The following PSIP1 variants were observed in gnomAD, a reference collection of about 807,000 sequenced individuals.
PSIP1 encodes PC4 and SRSF1 interacting protein 1, also known as PC4 and SFRS1-interacting protein.
In PSIP1, 19 loss-of-function variants were observed where a neutral mutation model predicts 74.7. That is an observed-to-expected ratio of 0.25 (90% CI 0.18 to 0.37). The LOEUF is 0.37. Among genes scored for constraint, PSIP1 ranks in the 10% least tolerant of loss-of-function variants. The pLI is 1.00. For synonymous variants in PSIP1, 222 were observed against 195.3 expected, an observed-to-expected ratio of 1.14 and a Z score of -1.14; for missense variants, 601 against 614.3, an observed-to-expected ratio of 0.98 and a Z score of 0.23.
chr9:15,466,808 T>C lies in PSIP1; in HGVS notation c.1472A>G (p.Gln491Arg). The C allele has an allele frequency of 1.2e-6, 2 of 1,613,634 alleles. No individual in the cohort carries two copies. The highest frequency in any genetic ancestry group is 8.5e-7 in the Non-Finnish European group (1 of 1,179,842). ...GSDAQDGNQP[Q>R]HNGESNEDSK... The stretch of plus-strand genomic sequence containing the variant: ...GTCTTCATTGCTCTCCCCGTTATGT[T>C]GTGGCTGATTACCATCTTGAGCATC... The change falls in exon 15 of 16, where the codon CAA becomes CGA. Residue 491 changes from glutamine to arginine, a missense_variant. Gln to Arg is a conservative substitution (Grantham distance 43). This residue lies in a region of PSIP1 where 538 missense variants were observed against 507.6 expected (regional missense o/e 1.06). Transcript: ENST00000380733.
chr9:15,468,661 C>A lies in PSIP1; in HGVS notation c.1389G>T (p.Gly463=), dbSNP rs759429711. The change falls in exon 14 of 16, where the codon GGG becomes GGT. Residue 463 remains glycine (G), a synonymous_variant. Coordinates refer to ENST00000380733, the MANE Select transcript of PSIP1 (RefSeq NM_033222.5). ...ANKTKDQGKK[G]PNKKLEKEQT... ...GTTCCTTCTCTAGCTTTTTGTTTGG[C>A]CCTTTCTTCCCTTGATCTTTGGTTT... is the stretch of plus-strand genomic sequence containing the variant. 1.2e-6 allele frequency: 2 copies of A among 1,613,988 alleles called. No individual in the cohort carries two copies. Among genetic ancestry groups the A allele is most frequent in the South Asian group, 2.2e-5 (2 of 91,076 alleles).
At chr9:15,499,987 T>C (rs1317683840) in intron 3 of PSIP1, among the ~76,000 whole-genome samples, 1 of 151,568 alleles carries the variant, frequency 6.6e-6, no homozygotes. Flanking sequence ...AACAGAAAAA[T>C]TCCATTTTTA....
intron 3 of PSIP1, among the ~76,000 whole-genome samples, chr9:15,503,332 A>T (rs2132223478): frequency 6.6e-6 from 1 of 151,628 alleles, no homozygotes; most frequent in South Asian, 2.1e-4. Flanking sequence ...GTGCCACTGC[A>T]CTCCAGCCTG....
chr9:15,473,645 A>G lies in PSIP1; in HGVS notation c.858+364T>C, dbSNP rs147273969. Among the ~76,000 whole-genome samples the G allele has an allele frequency of 5.5e-3, 840 of 152,304 alleles. 3 individuals are homozygous for G. Among genetic ancestry groups the G allele is most frequent in the Non-Finnish European group, 7.1e-3 (485 of 68,020 alleles). On this transcript the variant is annotated intron_variant, in intron 9 of 15. Transcript: ENST00000380733. ...ATAAATGGCCAGGTGTGGTGCCTGT[A>G]ATCCCGGCACTTTGGGAGGCCAAGG... is the stretch of plus-strand genomic sequence containing the variant.
chr9:15,476,032 A>G (rs995096890), intron 8 of PSIP1, among the ~76,000 whole-genome samples: 7 of 152,222 alleles, frequency 4.6e-5, no homozygotes, highest in African/African-American at 1.4e-4. Flanking sequence ...CGTGACAAAG[A>G]AGTAGACGCT....
At chr9:15,493,979 C>G (rs1484074969) in intron 3 of PSIP1, among the ~76,000 whole-genome samples, 1 of 152,150 alleles carries the variant, frequency 6.6e-6, no homozygotes, top group Non-Finnish European at 1.5e-5. Flanking sequence ...CTCCCCACAT[C>G]AGTGAGTCAT....
At chr9:15,503,533 C>T (rs2037442066) in intron 3 of PSIP1, among the ~76,000 whole-genome samples, 2 of 151,672 alleles carry the variant, frequency 1.3e-5, no homozygotes, top group Admixed American at 1.3e-4. Context: ...AATTAGCAAG[C>T]TACTGCAGTT....
chr9:15,506,993 T>C (rs1014733139), intron 2 of PSIP1, among the ~76,000 whole-genome samples: 1 of 152,234 alleles, frequency 6.6e-6, no homozygotes, highest in Admixed American at 6.5e-5. Flanking sequence ...AATCCCAGAA[T>C]TCTGAATTGT....
Position 15,464,677 on chromosome 9 carries a change from T to G in PSIP1, c.*843A>C, listed in dbSNP as rs569578324. Reference sequence around the variant, plus strand: ...TTTTAGTGACTTCCTAAAGACATTTTTAACAACATTCCTCAAAAATAAACT... The same window carrying G: ...TTTTAGTGACTTCCTAAAGACATTTGTAACAACATTCCTCAAAAATAAACT... On this transcript the variant is annotated 3_prime_UTR_variant, in exon 16 of 16. Transcript: ENST00000380733. The G allele has an allele frequency of 1.0e-5, 2 of 198,278 alleles. No individual in the cohort carries two copies. Among genetic ancestry groups the G allele is most frequent in the South Asian group, 3.8e-4 (2 of 5,210 alleles). The allele number at this position is 198,278 out of a possible 1,614,324, so 12.3% of individuals were successfully genotyped here.
At chr9:15,490,425 G>C (rs908474354) in intron 3 of PSIP1, among the ~76,000 whole-genome samples, 1 of 152,120 alleles carries the variant, frequency 6.6e-6, no homozygotes, top group Admixed American at 6.5e-5. Context: ...CCTTACGCCT[G>C]TAATCTCACC....
intron 4 of PSIP1, among the ~76,000 whole-genome samples, chr9:15,488,194 T>G (rs370121866): frequency 7.4e-4 from 112 of 152,046 alleles, no homozygotes; most frequent in African/African-American, 2.5e-3. Flanking sequence ...CCAGGCACGG[T>G]GGCAAAGCGC....
In PSIP1 at chr9:15,464,534, AT is replaced by A; in HGVS notation, c.*985del. 1 of 200,652 alleles carries A rather than the reference AT, an allele frequency of 5.0e-6. No homozygotes were observed. The highest frequency in any genetic ancestry group is 7.8e-5 in the East Asian group (1 of 12,776). The allele number at this position is 200,652 out of a possible 1,614,324, so 12.4% of individuals were successfully genotyped here. A position where few individuals can be genotyped will look rare whatever the true frequency, so the allele number is the denominator to read the frequency against. On this transcript the variant is annotated 3_prime_UTR_variant, in exon 16 of 16. Coordinates refer to ENST00000380733, the MANE Select transcript of PSIP1 (RefSeq NM_033222.5). ...CAATGCTGGAACAACTAGTGTTTGTATTTTTGGAATCTAGAAAATAAAAACA... is the reference window on the plus strand; with the variant it reads ...CAATGCTGGAACAACTAGTGTTTGTATTTTGGAATCTAGAAAATAAAAACA...
rs555470078 is a variant in PSIP1, at chr9:15,504,036, C to T, written c.149+2525G>A. 1.4e-4 allele frequency among the ~76,000 whole-genome samples: 21 copies of T among 152,290 alleles called. No individual in the cohort carries two copies. In the South Asian group the frequency reaches 3.5e-3, roughly 26 times the overall value. ...CTGGGATTACACGCGTAAGCCACCG[C>T]GCCCAGCCCAAAAATTAATCTTAAG... On this transcript the variant is annotated intron_variant, in intron 3 of 15. Coordinates refer to ENST00000380733, the MANE Select transcript of PSIP1 (RefSeq NM_033222.5).
chr9:15,492,013 A>C (rs1037509055), intron 3 of PSIP1: 1 of 152,234 alleles, frequency 6.6e-6, no homozygotes, highest in Admixed American at 6.5e-5. Flanking sequence ...GATTATTAGA[A>C]TTCAAGGTGA....
chr9:15,471,831 T>TAG (rs1281682753), intron 10 of PSIP1: 4 of 959,956 alleles, frequency 4.2e-6, no homozygotes, highest in Middle Eastern at 5.3e-4. Context: ...CTTATTGACC[T>TAG]AGAGCATGTT....
chr9:15,468,994 G>A lies in PSIP1; in HGVS notation c.1169C>T (p.Ala390Val). ...LASLQVTMQQAQKHTEMITTL... is the reference protein window; with the variant it reads ...LASLQVTMQQVQKHTEMITTL... ...AGTAATCATCTCTGTGTGTTTCTGA[G>A]CTTGTTGCATTGTGACCTGAAGTGA... Residue 390 changes from alanine (A) to valine (V), a missense_variant, in exon 13 of 16, where the codon GCT (alanine) becomes GTT (valine). Ala to Val is a moderately conservative substitution (Grantham distance 64). This residue lies in a region of PSIP1 where 538 missense variants were observed against 507.6 expected (regional missense o/e 1.06). Coordinates refer to ENST00000380733, the MANE Select transcript of PSIP1 (RefSeq NM_033222.5). 1 of 1,613,840 alleles carries A rather than the reference G, an allele frequency of 6.2e-7. No homozygotes were observed. The highest frequency in any genetic ancestry group is 8.5e-7 in the Non-Finnish European group (1 of 1,179,952).
At chr9:15,506,439 T>C in intron 3 of PSIP1, 122 bp downstream of exon 3, 2 of 654,940 alleles carry the variant, frequency 3.1e-6, no homozygotes, top group East Asian at 2.6e-5. Flanking sequence ...AAAGACTCTT[T>C]CCAAAGTTCA....
intron 8 of PSIP1, among the ~76,000 whole-genome samples, chr9:15,475,537 A>T (rs1487388134): frequency 6.6e-6 from 1 of 152,212 alleles, no homozygotes; most frequent in African/African-American, 2.4e-5. Flanking sequence ...ATATATTTGC[A>T]TTATGTACAA....
intron 6 of PSIP1, among the ~76,000 whole-genome samples, chr9:15,484,166 A>C (rs865785465): frequency 5.5e-4 from 83 of 151,634 alleles, no homozygotes; most frequent in Middle Eastern, 3.4e-3. Flanking sequence ...TATTTAAAAA[A>C]AAAAAGAAAA....
Sources: gnomAD v4.1 joint callset for allele counts (sites outside exome capture counted in the v4.1 genomes callset) on GRCh38, gnomAD v4.1.1 for gene constraint, gnomAD v4.1.1 regional missense constraint, MANE v1.5 for transcripts, NCBI Gene and HGNC (gene_info 2026-07-23, HGNC 2026-07-21) for gene names.